NEK8: variants seen among roughly 807,000 people sequenced by gnomAD.
NEK8 encodes the protein serine/threonine-protein kinase Nek8.
Under a neutral mutation model 77.2 loss-of-function variants are expected in NEK8, and 51 were observed. That is an observed-to-expected ratio of 0.66 (90% CI 0.53 to 0.83). NEK8 has a LOEUF of 0.83. Among genes scored for constraint, NEK8 ranks in the 40% least tolerant of loss-of-function variants. NEK8 has a pLI of 0.00. For synonymous variants in NEK8, 365 were observed against 363.2 expected (o/e 1.00, Z -0.06); for missense variants, 787 against 909.2 (o/e 0.87, Z 1.73).
In NEK8 at chr17:28,739,144, C is replaced by A. The variant is rs994391552; in HGVS notation, c.1360C>A (p.His454Asn). The change falls in exon 10 of 15, where the codon CAC becomes AAC. Residue 454 changes from histidine to asparagine, a missense_variant. Coordinates refer to ENST00000268766, the MANE Select transcript of NEK8 (RefSeq NM_178170.3). ...GGTGCAGGTGGCCTGTGGGGCCTCT[C>A]ACGTGCTGGCCCTGTCCACTGAGCG... Reference protein sequence around the residue: ...EMVQVACGASHVLALSTEREL... With the variant: ...EMVQVACGASNVLALSTEREL... The A allele has an allele frequency of 1.4e-5, 23 of 1,614,216 alleles. No homozygotes were observed. Among genetic ancestry groups the A allele is most frequent in the Non-Finnish European group, 1.9e-5 (23 of 1,180,014 alleles).
Position 28,737,255 on chromosome 17 carries a change from T to TG in NEK8, c.619-45dup, listed in dbSNP as rs1204349750. 2.6e-6 allele frequency: 4 copies of TG among 1,553,328 alleles called. No homozygotes were observed. Among genetic ancestry groups the TG allele is most frequent in the South Asian group, 1.2e-5 (1 of 85,266 alleles). On this transcript the variant is annotated intron_variant, in intron 4 of 14. Transcript: ENST00000268766. The surrounding 1 kb of genome is among the most constrained non-coding windows in gnomAD (Gnocchi z 4.8). ...ATCCCAGGAGACCAGGGGCTGGAGCTGGGGGGTGCTGCCCTCACTTCCCCA... is the reference window on the plus strand; with the variant it reads ...ATCCCAGGAGACCAGGGGCTGGAGCTGGGGGGGTGCTGCCCTCACTTCCCCA...
Position 28,735,389 on chromosome 17 carries a change from C to T in NEK8, c.618+18C>T. 1.2e-6 allele frequency: 2 copies of T among 1,611,568 alleles called. No individual in the cohort carries two copies. The highest frequency in any genetic ancestry group is 1.7e-6 in the Non-Finnish European group (2 of 1,179,200). ...AGGCTGCGGTGAGTGTATGCACCCT[C>T]CAGGGGACAACTGAGAAATCTACTG... On this transcript the variant is annotated intron_variant, in intron 4 of 14. Transcript: ENST00000268766.
Position 28,734,102 on chromosome 17 carries a change from A to G in NEK8, c.167A>G (p.Lys56Arg). The change falls in exon 2 of 15, where the codon AAG becomes AGG. Residue 56 changes from lysine to arginine, a missense_variant. Coordinates refer to ENST00000268766, the MANE Select transcript of NEK8 (RefSeq NM_178170.3). Reference protein sequence around the residue: ...QAAQNECQVLKLLNHPNVIEY... With the variant: ...QAAQNECQVLRLLNHPNVIEY... ...GCCCAGAATGAGTGCCAGGTCCTCAAGCTGCTCAACCACCCCAATGTCATT... is the reference window on the plus strand; with the variant it reads ...GCCCAGAATGAGTGCCAGGTCCTCAGGCTGCTCAACCACCCCAATGTCATT... 1 of 1,613,950 alleles carries G rather than the reference A, an allele frequency of 6.2e-7. No homozygotes were observed. The highest frequency in any genetic ancestry group is 8.5e-7 in the Non-Finnish European group (1 of 1,179,928).
chr17:28,741,476 C>G lies in NEK8; in HGVS notation c.1955C>G (p.Ala652Gly). The change falls in exon 14 of 15, where the codon GCC (alanine) becomes GGC (glycine). Residue 652 changes from alanine to glycine, a missense_variant. Transcript: ENST00000268766. The surrounding 1 kb of genome is among the most constrained non-coding windows in gnomAD (Gnocchi z 4.5). ...CGATTGGGAAGGAGGGATGAGGATG[C>G]CGGACTCCCTCGGCCAGTGCAGTTG... ...RGRLGRRDED[A>G]GLPRPVQLDE... 2 of 1,614,124 alleles carry G rather than the reference C, an allele frequency of 1.2e-6. No homozygotes were observed. Among genetic ancestry groups the G allele is most frequent in the Non-Finnish European group, 1.7e-6 (2 of 1,179,998 alleles).
Position 28,741,369 on chromosome 17 carries a change from C to A in NEK8, c.1892-44C>A. The A allele has an allele frequency of 6.2e-7, 1 of 1,607,386 alleles. No homozygotes were observed. The highest frequency in any genetic ancestry group is 8.5e-7 in the Non-Finnish European group (1 of 1,176,732). On this transcript the variant is annotated intron_variant, in intron 13 of 14. Coordinates refer to ENST00000268766, the MANE Select transcript of NEK8 (RefSeq NM_178170.3). The surrounding 1 kb of genome is among the most constrained non-coding windows in gnomAD (Gnocchi z 4.5). Reference sequence around the variant, plus strand: ...TGTGGGAGGGGAGATCCTGCTCGGGCTGTGCCCACTTCCCACTTCCCTCCT... The same window carrying A: ...TGTGGGAGGGGAGATCCTGCTCGGGATGTGCCCACTTCCCACTTCCCTCCT...
At chr17:28,735,455 T>G in intron 4 of NEK8, 84 bp downstream of exon 4, 2 of 1,463,418 alleles carry the variant, frequency 1.4e-6, no homozygotes, top group Non-Finnish European at 1.9e-6. Context: ...CTCAGGTTTC[T>G]CCTCTAGCTG....
Position 28,741,143 on chromosome 17 carries a change from G to C in NEK8, c.1798G>C (p.Gly600Arg). The C allele has an allele frequency of 6.2e-7, 1 of 1,614,112 alleles. No homozygotes were observed. Among genetic ancestry groups the C allele is most frequent in the Non-Finnish European group, 8.5e-7 (1 of 1,180,026 alleles). Residue 600 changes from glycine to arginine, a missense_variant, in exon 13 of 15, where the codon GGC becomes CGC. Around this residue, in one of 2 missense-constraint regions of NEK8, gnomAD observed 516 missense variants for 544.0 expected, o/e 0.95. Coordinates refer to ENST00000268766, the MANE Select transcript of NEK8 (RefSeq NM_178170.3). The surrounding 1 kb of genome is among the most constrained non-coding windows in gnomAD (Gnocchi z 4.5). ...ACAGTTGGGCACCAATACTCGCCGA[G>C]GCAGTCGGGCACCCTGTAAGGTCCA... ...HGQLGTNTRR[G>R]SRAPCKVQGL...
In NEK8 at chr17:28,737,276, C is replaced by G. The variant is rs2034374044; in HGVS notation, c.619-30C>G. The G allele has an allele frequency of 6.3e-7, 1 of 1,586,004 alleles. No individual in the cohort carries two copies. The highest frequency in any genetic ancestry group is 1.1e-5 in the South Asian group (1 of 87,774). The stretch of plus-strand genomic sequence containing the variant: ...GAGCTGGGGGGTGCTGCCCTCACTT[C>G]CCCAAATTCTCAACCTGGTGCCTTC... On this transcript the variant is annotated intron_variant, in intron 4 of 14. Coordinates refer to ENST00000268766, the MANE Select transcript of NEK8 (RefSeq NM_178170.3). The surrounding 1 kb of genome is among the most constrained non-coding windows in gnomAD (Gnocchi z 4.8).
Position 28,738,079 on chromosome 17 carries a change from C to T in NEK8, c.1072-16C>T, listed in dbSNP as rs982291329. 6.2e-7 allele frequency: 1 copy of T among 1,612,656 alleles called. No homozygotes were observed. Among genetic ancestry groups the T allele is most frequent in the African/African-American group, 1.3e-5 (1 of 74,918 alleles). On this transcript the variant is annotated splice_polypyrimidine_tract_variant and intron_variant, in intron 7 of 14. Transcript: ENST00000268766. ...GTTGGGGTGCTCAGGCGCTGCCCATCCCCCTGCCCCTGCAGGCCCCACCCC... is the reference window on the plus strand; with the variant it reads ...GTTGGGGTGCTCAGGCGCTGCCCATTCCCCTGCCCCTGCAGGCCCCACCCC...
At chr17:28,733,040 A>AT (rs775027864) in intron 1 of NEK8, 13,698 of 123,016 alleles carry the variant, frequency 0.11, 1,005 homozygotes, top group African/African-American at 0.17. Flanking sequence ...TGCTCAGCTA[A>AT]TTTTTTTTTT....
rs1044515032 is a variant in NEK8 at position 28,742,222 on chromosome 17, C to G, written c.*235C>G. 7 of 633,022 alleles carry G rather than the reference C, an allele frequency of 1.1e-5. No homozygotes were observed. The highest frequency in any genetic ancestry group is 9.0e-5 in the African/African-American group (5 of 55,542). The allele number at this position is 633,022 out of a possible 1,614,324, so 39.2% of individuals were successfully genotyped here. On this transcript the variant is annotated 3_prime_UTR_variant, in exon 15 of 15. Coordinates refer to ENST00000268766, the MANE Select transcript of NEK8 (RefSeq NM_178170.3). Reference sequence around the variant, plus strand: ...CCCTTCCTCCCTTCAGTCAGTGTCCCCAGGGTCCAGCCTGGCTAGAGTTAG... The same window carrying G: ...CCCTTCCTCCCTTCAGTCAGTGTCCGCAGGGTCCAGCCTGGCTAGAGTTAG...
At chr17:28,739,477 T>A (rs1007165318) in intron 10 of NEK8, among the ~76,000 whole-genome samples, 13 of 152,120 alleles carry the variant, frequency 8.5e-5, no homozygotes, top group African/African-American at 3.1e-4. Context: ...TGAGATGGAG[T>A]CTCGCTCTGT....
At position 28,741,701 on chromosome 17, in the gene NEK8, G is replaced by A. The variant is rs556009214; in HGVS notation, c.2050+130G>A. Reference sequence around the variant, plus strand: ...CCCCCAGATAAAAAAAGCAGAAGCTGCGGTTGAAAAGCTTCAAGCTTCCTG... The same window carrying A: ...CCCCCAGATAAAAAAAGCAGAAGCTACGGTTGAAAAGCTTCAAGCTTCCTG... On this transcript the variant is annotated intron_variant, in intron 14 of 14. Transcript: ENST00000268766. This position sits in a 1 kb window ranked among gnomAD's most constrained non-coding sequence, Gnocchi z 4.5. The A allele has an allele frequency of 1.2e-5, 15 of 1,254,114 alleles. No individual in the cohort carries two copies. In the African/African-American group the frequency reaches 1.8e-4, roughly 15 times the overall value. The allele number at this position is 1,254,114 out of a possible 1,614,324, so 77.7% of individuals were successfully genotyped here.
intron 3 of NEK8, 102 bp downstream of exon 3, chr17:28,735,106 C>A: frequency 6.5e-7 from 1 of 1,530,976 alleles, no homozygotes; most frequent in Middle Eastern, 1.7e-4. Context: ...GGCCCTTTGG[C>A]CCCTGTTTGG....
intron 4 of NEK8, among the ~76,000 whole-genome samples, chr17:28,736,467 C>T (rs2034366609): frequency 6.6e-6 from 1 of 152,226 alleles, no homozygotes; most frequent in African/African-American, 2.4e-5. Flanking sequence ...GATCACCATT[C>T]TAACTGGTGT....
In NEK8 at chr17:28,742,455, G is replaced by A. The variant is rs575552986; in HGVS notation, c.*468G>A. 21 of 231,972 alleles carry A rather than the reference G, an allele frequency of 9.1e-5. No individual in the cohort carries two copies. In the East Asian group the frequency reaches 9.6e-4, roughly 11 times the overall value. The allele number at this position is 231,972 out of a possible 1,614,324, so 14.4% of individuals were successfully genotyped here. On this transcript the variant is annotated 3_prime_UTR_variant, in exon 15 of 15. Transcript: ENST00000268766. ...AAAAATACAAAAAAATTAGCTGGGC[G>A]TGGTGGCACGCGCCTGTAGTCCCAG...
chr17:28,738,171 G>A lies in NEK8; in HGVS notation c.1148G>A (p.Arg383His), dbSNP rs138066977. 225 of 1,614,134 alleles carry A rather than the reference G, an allele frequency of 1.4e-4. No individual in the cohort carries two copies. Among genetic ancestry groups the A allele is most frequent in the Admixed American group, 8.3e-4 (50 of 60,024 alleles). ...VEQPQPQFIS[R>H]FLEGQSGVTI... The stretch of plus-strand genomic sequence containing the variant: ...CAGCCACAGCCCCAGTTCATCTCGC[G>A]TTTCCTGGAGGGCCAGTCGGGTGTG... The change falls in exon 8 of 15, where the codon CGT (arginine) becomes CAT (histidine). Residue 383 changes from arginine (R) to histidine (H), a missense_variant. By Grantham distance (29) the Arg-to-His change is conservative (BLOSUM62 0). Around this residue, in one of 2 missense-constraint regions of NEK8, gnomAD observed 516 missense variants for 544.0 expected, o/e 0.95. Coordinates refer to ENST00000268766, the MANE Select transcript of NEK8 (RefSeq NM_178170.3).
At chr17:28,739,019 G>C in intron 9 of NEK8, 65 bp from the exon 10 acceptor site, 4 of 1,156,412 alleles carry the variant, frequency 3.5e-6, no homozygotes, top group Non-Finnish European at 5.3e-6. Context: ...TCCCTACAGG[G>C]GGTGTTGAAG....
chr17:28,732,834 G>A (rs922316594), intron 1 of NEK8: 2 of 151,552 alleles, frequency 1.3e-5, no homozygotes, highest in Non-Finnish European at 2.9e-5. Context: ...TTACAAGTGT[G>A]AGCCATTTCG....
Sources: gnomAD v4.1 joint callset for allele counts (sites outside exome capture counted in the v4.1 genomes callset) on GRCh38, gnomAD v4.1.1 for gene constraint, gnomAD v4.1.1 regional missense constraint, Gnocchi (gnomAD v3.1) non-coding constraint, MANE v1.5 for transcripts, NCBI Gene and HGNC (gene_info 2026-07-23, HGNC 2026-07-21) for gene names.